The following TSPAN9 variants were observed in gnomAD, a reference collection of about 807,000 sequenced individuals.
TSPAN9 encodes tetraspanin-9.
In TSPAN9, 16 loss-of-function variants were observed where a neutral mutation model predicts 31.0. The ratio of observed to expected loss-of-function variants is 0.52; its 90% CI spans 0.35 to 0.78. The LOEUF (loss-of-function observed/expected upper bound fraction) is 0.78, where lower values mean the gene tolerates loss of function less well. Among genes scored for constraint, TSPAN9 ranks in the 30% least tolerant of loss-of-function variants. The pLI is 0.01. For synonymous variants in TSPAN9, 145 were observed against 121.6 expected (o/e 1.19, Z -1.27); for missense variants, 272 against 312.5 (o/e 0.87, Z 0.98).
chr12:3,261,737 C>T (rs1328381996), intron 3 of TSPAN9, among the ~76,000 whole-genome samples: 10 of 152,170 alleles, frequency 6.6e-5, no homozygotes, highest in African/African-American at 1.9e-4. Context: ...ACCCTCATGA[C>T]GAACTGGGAA....
intron 3 of TSPAN9, among the ~76,000 whole-genome samples, chr12:3,205,886 T>A (rs961262789): frequency 2.6e-5 from 4 of 152,078 alleles, no homozygotes; most frequent in Middle Eastern, 3.2e-3. Flanking sequence ...CGTGAGGGAA[T>A]GCCAGGTCTG....
intron 2 of TSPAN9, among the ~76,000 whole-genome samples, chr12:3,195,591 G>T (rs2098366660): frequency 6.6e-6 from 1 of 152,176 alleles, no homozygotes; most frequent in South Asian, 2.1e-4. Flanking sequence ...CTATCTGATT[G>T]TTCCATCTGT....
chr12:3,186,146 C>T (rs533139331), intron 2 of TSPAN9, among the ~76,000 whole-genome samples: 2 of 152,312 alleles, frequency 1.3e-5, no homozygotes, highest in African/African-American at 4.8e-5. Flanking sequence ...CTACAGGGCT[C>T]CCTCACTCGC....
intron 3 of TSPAN9, among the ~76,000 whole-genome samples, chr12:3,210,300 G>A (rs1256091870): frequency 6.6e-6 from 1 of 152,230 alleles, no homozygotes; most frequent in Admixed American, 6.5e-5. Flanking sequence ...CAGTGAGGAT[G>A]TATCAGTGGA....
intron 2 of TSPAN9, among the ~76,000 whole-genome samples, chr12:3,150,510 A>G (rs943081280): frequency 3.3e-5 from 5 of 152,204 alleles, no homozygotes; most frequent in African/African-American, 9.7e-5. Context: ...TCTTGTCTAC[A>G]TGCTGAGGCT....
intron 2 of TSPAN9, among the ~76,000 whole-genome samples, chr12:3,128,070 A>G (rs2098328143): frequency 1.3e-5 from 2 of 152,326 alleles, no homozygotes; most frequent in African/African-American, 4.8e-5. Flanking sequence ...TTGTAATCTT[A>G]GGGGACCACT....
At chr12:3,126,854 G>A (rs536576629) in intron 2 of TSPAN9, among the ~76,000 whole-genome samples, 3 of 152,288 alleles carry the variant, frequency 2.0e-5, no homozygotes, top group African/African-American at 7.2e-5. Context: ...CTGCACTCCA[G>A]CTTGGGCACC....
intron 3 of TSPAN9, among the ~76,000 whole-genome samples, chr12:3,259,404 G>A (rs1448292754): frequency 6.6e-6 from 1 of 152,110 alleles, no homozygotes; most frequent in East Asian, 1.9e-4. Flanking sequence ...CCAATCCCTG[G>A]TCTCCTCCCT....
intron 3 of TSPAN9, among the ~76,000 whole-genome samples, chr12:3,253,726 A>AT (rs1244120819): frequency 6.6e-6 from 1 of 152,122 alleles, no homozygotes; most frequent in Non-Finnish European, 1.5e-5. Context: ...GACCCCTTTT[A>AT]TTGAGGGTGG....
intron 2 of TSPAN9, among the ~76,000 whole-genome samples, chr12:3,163,173 A>C (rs906929109): frequency 6.6e-6 from 1 of 152,174 alleles, no homozygotes; most frequent in Non-Finnish European, 1.5e-5. Context: ...GAATGAATGA[A>C]TGCTTTTCTA....
chr12:3,095,929 G>C (rs949477933), intron 2 of TSPAN9, among the ~76,000 whole-genome samples: 2 of 149,706 alleles, frequency 1.3e-5, no homozygotes, highest in Admixed American at 6.6e-5. Flanking sequence ...CTTCCCAGAC[G>C]GGGTGGCGGC....
chr12:3,243,640 G>A (rs900464269), intron 3 of TSPAN9, among the ~76,000 whole-genome samples: 2 of 152,264 alleles, frequency 1.3e-5, no homozygotes, highest in East Asian at 1.9e-4. Flanking sequence ...GCCAGGCATC[G>A]GCCCTCCTGC....
Position 3,241,000 on chromosome 12 carries a change from A to T in TSPAN9, c.64-37421A>T, listed in dbSNP as rs145005828. 2.6e-5 allele frequency among the ~76,000 whole-genome samples: 4 copies of T among 152,330 alleles called. No homozygotes were observed. In the East Asian group the frequency reaches 7.7e-4, roughly 29 times the overall value. On this transcript the variant is annotated intron_variant, in intron 3 of 8. Transcript: ENST00000011898. ...TTTTAAACGGATAATTGCTAATATG[A>T]TGGAGCTTTCTACTACAGCACTGGT...
chr12:3,089,004 A>G (rs1057149577), intron 2 of TSPAN9, among the ~76,000 whole-genome samples: 4 of 152,006 alleles, frequency 2.6e-5, no homozygotes, highest in African/African-American at 7.2e-5. Flanking sequence ...AGGCCGATGC[A>G]GGCGGATCAC....
At chr12:3,128,277 T>C (rs1239682285) in intron 2 of TSPAN9, among the ~76,000 whole-genome samples, 1 of 152,210 alleles carries the variant, frequency 6.6e-6, no homozygotes, top group East Asian at 1.9e-4. Context: ...CCCTGACCAC[T>C]TTTTCTCCAG....
intron 2 of TSPAN9, among the ~76,000 whole-genome samples, chr12:3,180,503 A>C (rs547820508): frequency 2.0e-5 from 3 of 152,162 alleles, no homozygotes; most frequent in Admixed American, 1.3e-4. Context: ...AAGTCTTCTG[A>C]CCCACTCAGC....
At chr12:3,263,174 C>A (rs1195518810) in intron 3 of TSPAN9, among the ~76,000 whole-genome samples, 1 of 152,248 alleles carries the variant, frequency 6.6e-6, no homozygotes, top group Non-Finnish European at 1.5e-5. Flanking sequence ...CTGTCTCATA[C>A]AGCCAGGGAG....
chr12:3,164,194 C>T (rs947162032), intron 2 of TSPAN9, among the ~76,000 whole-genome samples: 38 of 152,304 alleles, frequency 2.5e-4, no homozygotes, highest in African/African-American at 9.1e-4. Context: ...AAGGTGCTTT[C>T]GTATGAGTTT....
intron 1 of TSPAN9, among the ~76,000 whole-genome samples, chr12:3,079,870 A>C (rs1314055140): frequency 1.3e-5 from 2 of 151,594 alleles, no homozygotes; most frequent in African/African-American, 4.9e-5. Flanking sequence ...TCCTGGGCTC[A>C]AGTGATCCTC....
Sources: allele counts gnomAD v4.1 joint callset (sites outside exome capture counted in the v4.1 genomes callset), GRCh38; gene constraint gnomAD v4.1.1; transcripts MANE v1.5; gene names NCBI Gene and HGNC (gene_info 2026-07-23, HGNC 2026-07-21).